Variants in MME observed in about 807,000 individuals in gnomAD.
MME encodes membrane metalloendopeptidase, also known as neprilysin.
A neutral mutation model predicts 113.2 loss-of-function variants in MME; 98 were observed. The observed-to-expected ratio is 0.87, with a 90% CI of 0.74 to 1.02. The LOEUF is 1.02. Ranked by LOEUF, MME falls within the 50% of genes least tolerant of loss-of-function variation. MME has a pLI of 0.00. For missense variants in MME, 836 were observed against 896.0 expected, an observed-to-expected ratio of 0.93 and a Z score of 0.86; for synonymous variants, 292 against 300.6, an observed-to-expected ratio of 0.97 and a Z score of 0.30.
chr3:155,100,532 A>G (rs1717119582), intron 3 of MME, among the ~76,000 whole-genome samples: 1 of 152,216 alleles, frequency 6.6e-6, no homozygotes, highest in South Asian at 2.1e-4. Flanking sequence ...TGTTTGAGTG[A>G]ATCAAATATA....
At chr3:155,158,643 A>G (rs1040170586) in intron 16 of MME, 3 of 152,078 alleles carry the variant, frequency 2.0e-5, no homozygotes, top group African/African-American at 7.2e-5. Flanking sequence ...TAGTCACGTC[A>G]ACGCAATCTA....
At chr3:155,050,333 CCTTTGGT>C (rs1167231347) in intron 1 of MME, among the ~76,000 whole-genome samples, 2 of 152,028 alleles carry the variant, frequency 1.3e-5, no homozygotes, top group African/African-American at 4.8e-5. Flanking sequence ...AATCTATATT[CCTTTGGT>C]TATATACCCA....
At chr3:155,059,095 A>C (rs753490026) in intron 1 of MME, among the ~76,000 whole-genome samples, 4 of 151,960 alleles carry the variant, frequency 2.6e-5, no homozygotes, top group Admixed American at 6.6e-5. Context: ...CTTTACTAAA[A>C]ATACAAAAAA....
At chr3:155,112,025 G>A (rs1054942925) in intron 3 of MME, among the ~76,000 whole-genome samples, 10 of 129,836 alleles carry the variant, frequency 7.7e-5, no homozygotes, top group Admixed American at 4.3e-4. Flanking sequence ...TTCAAAATTC[G>A]AGGGAATTGC....
At chr3:155,179,797 A>G (rs1010238045) in intron 22 of MME, among the ~76,000 whole-genome samples, 2 of 152,220 alleles carry the variant, frequency 1.3e-5, no homozygotes, top group African/African-American at 2.4e-5. Context: ...CCAGTTATTC[A>G]AGCTGAATCC....
In MME at chr3:155,180,527, T is replaced by C. The variant is rs1712990128; in HGVS notation, c.*68T>C. The C allele has an allele frequency of 7.8e-7, 1 of 1,288,820 alleles. No individual in the cohort carries two copies. The highest frequency in any genetic ancestry group is 1.5e-5 in the African/African-American group (1 of 68,342). 79.8% of individuals were successfully genotyped at this position (1,288,820 alleles called of 1,614,324 possible). A position where few individuals can be genotyped will look rare whatever the true frequency, so the allele number is the denominator to read the frequency against. ...ACCACAGAAATGGGGAATTCTCTAA[T>C]CGAAAGAAAATGGGCCCTAGGGGTC... On this transcript the variant is annotated 3_prime_UTR_variant, in exon 23 of 23. Coordinates refer to ENST00000360490, the MANE Select transcript of MME (RefSeq NM_007289.4).
intron 1 of MME, among the ~76,000 whole-genome samples, chr3:155,050,702 T>C (rs1333102748): frequency 6.6e-6 from 1 of 152,204 alleles, no homozygotes; most frequent in Non-Finnish European, 1.5e-5. Flanking sequence ...TGTAAATTTG[T>C]TTAAGTTCCT....
chr3:155,058,793 A>G (rs1714028279), intron 1 of MME, among the ~76,000 whole-genome samples: 1 of 152,204 alleles, frequency 6.6e-6, no homozygotes, highest in African/African-American at 2.4e-5. Context: ...AGTAAATGTA[A>G]TTTCCTAGTA....
At chr3:155,054,359 C>G (rs1156660596) in intron 1 of MME, among the ~76,000 whole-genome samples, 1 of 152,042 alleles carries the variant, frequency 6.6e-6, no homozygotes, top group Non-Finnish European at 1.5e-5. Context: ...CATTCTTCCT[C>G]TCATGTTACT....
intron 3 of MME, among the ~76,000 whole-genome samples, chr3:155,104,556 A>T (rs1026292310): frequency 6.6e-6 from 1 of 152,238 alleles, no homozygotes; most frequent in African/African-American, 2.4e-5. Context: ...CAAAGGCAGG[A>T]TGCTTTGAGT....
At chr3:155,025,610 C>T (rs1385847307) in intron 1 of MME, among the ~76,000 whole-genome samples, 7 of 138,294 alleles carry the variant, frequency 5.1e-5, no homozygotes, top group African/African-American at 2.8e-5. Flanking sequence ...GGAGACAGAG[C>T]GAGACCCTGT....
At position 155,116,332 on chromosome 3, in the gene MME, G is replaced by A. The variant is rs976240999; in HGVS notation, c.359-147G>A. The stretch of plus-strand genomic sequence containing the variant: ...TCCTATAATGTTTTGGAACTGGGGG[G>A]AGGAAATGAATGTACCTCCAGAAAA... On this transcript the variant is annotated intron_variant, in intron 4 of 22. Coordinates refer to ENST00000360490, the MANE Select transcript of MME (RefSeq NM_007289.4). 5 of 660,638 alleles carry A rather than the reference G, an allele frequency of 7.6e-6. No individual in the cohort carries two copies. The African/African-American group carries it at 9.0e-5, about 12-fold the overall frequency. The allele number at this position is 660,638 out of a possible 1,614,324, so 40.9% of individuals were successfully genotyped here. A position where few individuals can be genotyped will look rare whatever the true frequency, so the allele number is the denominator to read the frequency against.
chr3:155,113,283 A>T (rs1718336913), intron 3 of MME, among the ~76,000 whole-genome samples: 1 of 151,922 alleles, frequency 6.6e-6, no homozygotes, highest in Non-Finnish European at 1.5e-5. Context: ...CAAGCTAAAG[A>T]TTTTATTTTT....
chr3:155,160,077 T>G (rs1722603685), intron 16 of MME, among the ~76,000 whole-genome samples: 1 of 152,008 alleles, frequency 6.6e-6, no homozygotes, highest in Non-Finnish European at 1.5e-5. Context: ...GCTAAATAAA[T>G]TTCAATACAA....
chr3:155,148,036 A>G (rs1293039250), intron 15 of MME, among the ~76,000 whole-genome samples: 2 of 152,178 alleles, frequency 1.3e-5, no homozygotes, highest in Non-Finnish European at 2.9e-5. Flanking sequence ...CCTTGATTCC[A>G]GATCCCAGTT....
intron 20 of MME, among the ~76,000 whole-genome samples, chr3:155,169,912 A>G (rs746392492): frequency 2.0e-5 from 3 of 152,206 alleles, no homozygotes; most frequent in Admixed American, 1.3e-4. Flanking sequence ...AAAGATGATC[A>G]GAGTGTGAAG....
chr3:155,047,860 G>A (rs1713613733), intron 1 of MME, among the ~76,000 whole-genome samples: 1 of 152,156 alleles, frequency 6.6e-6, no homozygotes, highest in Non-Finnish European at 1.5e-5. Context: ...TCTCATTTCT[G>A]TAGGTGGTAA....
At chr3:155,057,191 T>C (rs1039795350) in intron 1 of MME, among the ~76,000 whole-genome samples, 1 of 152,042 alleles carries the variant, frequency 6.6e-6, no homozygotes, top group African/African-American at 2.4e-5. Context: ...TTTCGCAACC[T>C]ACTCATCTGA....
Position 155,140,240 on chromosome 3 carries a change from AG to A in MME, c.906del (p.Met303Ter). 1 of 1,613,062 alleles carries A rather than the reference AG, an allele frequency of 6.2e-7. No homozygotes were observed. The highest frequency in any genetic ancestry group is 1.7e-4 in the Middle Eastern group (1 of 6,050). ...DRNDPMLLYNKMTLAQIQNNF... is the reference protein window; with the variant it reads ...DRNDPMLLYNXMTLAQIQNNF... The stretch of plus-strand genomic sequence containing the variant: ...AATGATCCAATGCTTCTGTATAACA[AG>A]ATGACATTGGCCCAGATCCAAAATA... On this transcript the variant is annotated frameshift_variant, in exon 10 of 23. Coordinates refer to ENST00000360490, the MANE Select transcript of MME (RefSeq NM_007289.4). LOFTEE classifies it high-confidence loss of function.
Sources: gnomAD v4.1 joint callset for allele counts (sites outside exome capture counted in the v4.1 genomes callset) on GRCh38, gnomAD v4.1.1 for gene constraint, MANE v1.5 for transcripts, NCBI Gene and HGNC (gene_info 2026-07-23, HGNC 2026-07-21) for gene names.